Variants in THSD7A observed in about 807,000 individuals in gnomAD.
THSD7A encodes the protein thrombospondin type 1 domain containing 7A.
In THSD7A, 96 loss-of-function variants were observed where a neutral mutation model predicts 231.3. That is an observed-to-expected ratio of 0.41 (90% confidence interval 0.35 to 0.49). The LOEUF is 0.49. THSD7A is among the 20% of genes least tolerant of loss of function. THSD7A has a pLI of 0.05. For synonymous variants in THSD7A, 940 were observed against 743.3 expected, an observed-to-expected ratio of 1.26 and a Z score of -4.30; for missense variants, 2,290 against 2,070.2, an observed-to-expected ratio of 1.11 and a Z score of -2.06.
intron 16 of THSD7A, among the ~76,000 whole-genome samples, chr7:11,418,905 G>GA (rs1047726124): frequency 2.0e-5 from 3 of 151,410 alleles, no homozygotes; most frequent in Non-Finnish European, 4.4e-5. Flanking sequence ...TTTCCTTGTT[G>GA]AAAAAAATAA....
intron 1 of THSD7A, among the ~76,000 whole-genome samples, chr7:11,771,853 C>T (rs1420265048): frequency 2.6e-5 from 4 of 152,094 alleles, no homozygotes; most frequent in Non-Finnish European, 5.9e-5. Context: ...GTTCTTGTGA[C>T]GGTGAGTGAA....
At chr7:11,710,952 A>G (rs1780939595) in intron 1 of THSD7A, among the ~76,000 whole-genome samples, 1 of 150,894 alleles carries the variant, frequency 6.6e-6, no homozygotes, top group South Asian at 2.1e-4. Context: ...AAGAGAGCCA[A>G]CAAAATATAT....
intron 2 of THSD7A, among the ~76,000 whole-genome samples, chr7:11,635,902 C>A (rs1488641059): frequency 2.0e-5 from 3 of 151,972 alleles, no homozygotes; most frequent in Non-Finnish European, 4.4e-5. Flanking sequence ...ATGCTCCAGA[C>A]TTTGAAAGGA....
chr7:11,413,431 C>T (rs1783854961), intron 17 of THSD7A, among the ~76,000 whole-genome samples: 1 of 151,896 alleles, frequency 6.6e-6, no homozygotes, highest in Admixed American at 6.6e-5. Context: ...GAAACAAGCC[C>T]TTTGGAAAAA....
chr7:11,543,599 C>G (rs1378073375), intron 4 of THSD7A, among the ~76,000 whole-genome samples: 1 of 152,122 alleles, frequency 6.6e-6, no homozygotes, highest in Non-Finnish European at 1.5e-5. Context: ...TGAGAGGTAG[C>G]AGGTGAGATG....
Position 11,378,904 on chromosome 7 carries a change from A to C in THSD7A, c.4801+166T>G, listed in dbSNP as rs1782389413. On this transcript the variant is annotated intron_variant, in intron 26 of 27. Transcript: ENST00000423059. ...GAACTTCAAACATGAGTTATTTTCC[A>C]TAATGATAGTAAAAAATTGAAGAAT... 6.1e-6 allele frequency: 4 copies of C among 659,856 alleles called. No individual in the cohort carries two copies. In the East Asian group the frequency reaches 1.1e-4, roughly 18 times the overall value. The allele number at this position is 659,856 out of a possible 1,614,324, so 40.9% of individuals were successfully genotyped here. A position where few individuals can be genotyped will look rare whatever the true frequency, so the allele number is the denominator to read the frequency against.
intron 1 of THSD7A, among the ~76,000 whole-genome samples, chr7:11,701,207 T>A (rs1780590285): frequency 6.6e-6 from 1 of 151,038 alleles, no homozygotes; most frequent in Non-Finnish European, 1.5e-5. Context: ...TTATGAGGGA[T>A]GTTGCACACC....
chr7:11,571,850 G>C (rs1790647736), intron 4 of THSD7A, among the ~76,000 whole-genome samples: 1 of 151,458 alleles, frequency 6.6e-6, no homozygotes, highest in Non-Finnish European at 1.5e-5. Context: ...TTATCTTTCA[G>C]AAATTTGAGT....
At chr7:11,430,920 CTTT>C (rs1321804945) in intron 13 of THSD7A, among the ~76,000 whole-genome samples, 2 of 152,174 alleles carry the variant, frequency 1.3e-5, no homozygotes, top group African/African-American at 2.4e-5. Flanking sequence ...TGAGTTTTCA[CTTT>C]TTGTCTATCA....
chr7:11,765,458 T>C (rs570614058), intron 1 of THSD7A, among the ~76,000 whole-genome samples: 2 of 152,298 alleles, frequency 1.3e-5, no homozygotes, highest in South Asian at 4.1e-4. Context: ...GAATAACAAA[T>C]TGTACAGGTC....
chr7:11,662,807 CT>C (rs1348299779), intron 1 of THSD7A, among the ~76,000 whole-genome samples: 30 of 151,200 alleles, frequency 2.0e-4, no homozygotes, highest in Non-Finnish European at 2.1e-4. Flanking sequence ...CAGCACACAT[CT>C]AAACACACAT....
chr7:11,474,294 G>A lies in THSD7A; in HGVS notation c.2252+40C>T. On this transcript the variant is annotated intron_variant, in intron 8 of 27. Transcript: ENST00000423059. The surrounding 1 kb of genome is among the most constrained non-coding windows in gnomAD (Gnocchi z 4.1). ...AAGCCTGAGCCAATCCTCTGCACAG[G>A]TGGCTACACGATTTACTGTTGTCAT... 1.3e-6 allele frequency: 2 copies of A among 1,536,636 alleles called. No homozygotes were observed. Among genetic ancestry groups the A allele is most frequent in the Non-Finnish European group, 1.8e-6 (2 of 1,124,654 alleles).
intron 1 of THSD7A, among the ~76,000 whole-genome samples, chr7:11,770,463 G>C (rs969982892): frequency 2.0e-5 from 3 of 152,088 alleles, no homozygotes; most frequent in Non-Finnish European, 4.4e-5. Flanking sequence ...ATAGTTTAAA[G>C]AGCAAGGTTA....
intron 1 of THSD7A, among the ~76,000 whole-genome samples, chr7:11,647,454 C>T (rs946743198): frequency 9.2e-5 from 14 of 152,038 alleles, no homozygotes; most frequent in African/African-American, 3.4e-4. Flanking sequence ...ATCATGCAAT[C>T]TGTTATTTTT....
At chr7:11,757,228 T>C (rs1583263207) in intron 1 of THSD7A, among the ~76,000 whole-genome samples, 2 of 152,140 alleles carry the variant, frequency 1.3e-5, no homozygotes, top group East Asian at 1.9e-4. Flanking sequence ...GGAAATACTA[T>C]TTAGACAAAA....
intron 1 of THSD7A, among the ~76,000 whole-genome samples, chr7:11,672,677 G>T (rs1010171529): frequency 1.3e-5 from 2 of 151,918 alleles, no homozygotes; most frequent in African/African-American, 4.8e-5. Flanking sequence ...CACTTTTTGG[G>T]AGCATTTGAA....
intron 1 of THSD7A, among the ~76,000 whole-genome samples, chr7:11,711,937 G>C (rs527588115): frequency 4.6e-5 from 7 of 150,906 alleles, no homozygotes; most frequent in African/African-American, 1.7e-4. Flanking sequence ...TCTCCATTTT[G>C]TCACCAGAAA....
At chr7:11,608,276 C>T (rs1017802058) in intron 2 of THSD7A, among the ~76,000 whole-genome samples, 6 of 152,088 alleles carry the variant, frequency 3.9e-5, no homozygotes, top group African/African-American at 1.4e-4. Flanking sequence ...GTTAAGAGGC[C>T]TGTTTTTAAA....
intron 13 of THSD7A, among the ~76,000 whole-genome samples, chr7:11,431,178 G>A (rs1199915545): frequency 6.6e-6 from 1 of 152,114 alleles, no homozygotes; most frequent in Admixed American, 6.6e-5. Flanking sequence ...TTTTGGTGTT[G>A]TTTGAAGAAC....
Sources: gnomAD v4.1 joint callset for allele counts (sites outside exome capture counted in the v4.1 genomes callset) on GRCh38, gnomAD v4.1.1 for gene constraint, Gnocchi (gnomAD v3.1) non-coding constraint, MANE v1.5 for transcripts, NCBI Gene and HGNC (gene_info 2026-07-23, HGNC 2026-07-21) for gene names.